Variants in TNRC6A observed in about 807,000 individuals in gnomAD.
TNRC6A encodes the protein trinucleotide repeat-containing gene 6A protein.
In TNRC6A, 44 loss-of-function variants were observed where a neutral mutation model predicts 221.2. That is an observed-to-expected ratio of 0.20 (90% CI 0.16 to 0.26). The LOEUF (loss-of-function observed/expected upper bound fraction) is 0.26, where lower values mean the gene tolerates loss of function less well. Ranked by LOEUF, TNRC6A falls within the 10% of genes least tolerant of loss-of-function variation. The pLI, the probability that TNRC6A is intolerant of heterozygous loss-of-function variation, is 1.00. For synonymous variants in TNRC6A, 847 were observed against 838.5 expected (o/e 1.01, Z -0.18); for missense variants, 2,199 against 2,404.4 (o/e 0.91, Z 1.79).
intron 1 of TNRC6A, among the ~76,000 whole-genome samples, chr16:24,617,938 T>G (rs191360175): frequency 1.6e-3 from 241 of 152,300 alleles, no homozygotes; most frequent in African/African-American, 5.5e-3. Context: ...TCTCACTCTA[T>G]CGCCCAGGCT....
At chr16:24,751,494 T>A in intron 3 of TNRC6A, among the ~76,000 whole-genome samples, 1 of 152,142 alleles carries the variant, frequency 6.6e-6, no homozygotes, top group East Asian at 1.9e-4. Flanking sequence ...AATCTGTAAT[T>A]ATTAAAAATT....
intron 2 of TNRC6A, among the ~76,000 whole-genome samples, chr16:24,674,694 C>CCA (rs3219528): frequency 0.057 from 8,274 of 146,198 alleles, 274 homozygotes; most frequent in Non-Finnish European, 0.081. Flanking sequence ...ACTGCCCCCA[C>CCA]CACACACACA....
At chr16:24,673,975 A>G (rs1281955647) in intron 2 of TNRC6A, among the ~76,000 whole-genome samples, 2 of 152,340 alleles carry the variant, frequency 1.3e-5, no homozygotes, top group Non-Finnish European at 2.9e-5. Flanking sequence ...TAACATTCTC[A>G]GAAGAGCTTG....
At position 24,805,495 on chromosome 16, in the gene TNRC6A, A is replaced by G. The variant is rs1295279138; in HGVS notation, c.4123-110A>G. 14 of 1,440,796 alleles carry G rather than the reference A, an allele frequency of 9.7e-6. No homozygotes were observed. The African/African-American group carries it at 1.4e-4, about 15-fold the overall frequency. The allele number at this position is 1,440,796 out of a possible 1,614,324, so 89.3% of individuals were successfully genotyped here. A position where few individuals can be genotyped will look rare whatever the true frequency, so the allele number is the denominator to read the frequency against. Reference sequence around the variant, plus strand: ...ACAGAGACAAAGACTATAACCCCCAATGAATAGTCCACAAATTTAACTGCT... The same window carrying G: ...ACAGAGACAAAGACTATAACCCCCAGTGAATAGTCCACAAATTTAACTGCT... On this transcript the variant is annotated intron_variant, in intron 14 of 24. Transcript: ENST00000395799.
intron 2 of TNRC6A, among the ~76,000 whole-genome samples, chr16:24,731,698 T>G (rs950741060): frequency 3.3e-5 from 5 of 152,242 alleles, no homozygotes; most frequent in African/African-American, 1.2e-4. Flanking sequence ...TATATCAGTA[T>G]AATTCCTATG....
At chr16:24,738,500 A>T (rs1219140578) in intron 2 of TNRC6A, among the ~76,000 whole-genome samples, 1 of 152,190 alleles carries the variant, frequency 6.6e-6, no homozygotes, top group Non-Finnish European at 1.5e-5. Flanking sequence ...TTTCTATTAT[A>T]ACTCTATGGA....
intron 8 of TNRC6A, chr16:24,795,674 C>G (rs1018284373): frequency 4.7e-5 from 19 of 407,410 alleles, no homozygotes; most frequent in African/African-American, 3.9e-4. Flanking sequence ...TGCCTATTGC[C>G]TTGCCATATA....
At chr16:24,771,516 CATGTTATGTT>C (rs60883844) in intron 4 of TNRC6A, among the ~76,000 whole-genome samples, 29 of 88,112 alleles carry the variant, frequency 3.3e-4, no homozygotes, top group East Asian at 7.5e-4. Context: ...GAGCCTGGTG[CATGTTATGTT>C]ATGTTATGTT....
intron 2 of TNRC6A, among the ~76,000 whole-genome samples, chr16:24,714,433 C>T (rs188917524): frequency 4.8e-4 from 72 of 151,192 alleles, no homozygotes; most frequent in Admixed American, 7.9e-4. Context: ...CTCAGCCTCC[C>T]GAGTAGCTGG....
intron 11 of TNRC6A, 35 bp downstream of exon 11, chr16:24,798,001 T>C (rs773656718): frequency 1.3e-6 from 2 of 1,568,226 alleles, no homozygotes; most frequent in Non-Finnish European, 1.8e-6. Context: ...TATTCCTCAT[T>C]GAGGGACACG....
At chr16:24,641,321 G>A (rs1355968950) in intron 2 of TNRC6A, among the ~76,000 whole-genome samples, 1 of 152,150 alleles carries the variant, frequency 6.6e-6, no homozygotes, top group Non-Finnish European at 1.5e-5. Context: ...TGCTCTTTCT[G>A]ATATGATTCA....
rs771534083 is a variant in TNRC6A at position 24,750,830 on chromosome 16, CTATT to C, written c.141+21_141+24del. 27 of 1,491,882 alleles carry C rather than the reference CTATT, an allele frequency of 1.8e-5. No homozygotes were observed. Among genetic ancestry groups the C allele is most frequent in the African/African-American group, 1.3e-4 (9 of 69,760 alleles). 92.4% of individuals were successfully genotyped at this position (1,491,882 alleles called of 1,614,324 possible). On this transcript the variant is annotated intron_variant, in intron 3 of 24. Coordinates refer to ENST00000395799, the MANE Select transcript of TNRC6A (RefSeq NM_014494.4). Reference sequence around the variant, plus strand: ...CAAAAGAAGGTAGTATGTGTGTAAACTATTTATATTAAGCAGTTTAAACATAGAA... The same window carrying C: ...CAAAAGAAGGTAGTATGTGTGTAAACTATATTAAGCAGTTTAAACATAGAA...
At chr16:24,796,626 T>C (rs2058224636) in intron 9 of TNRC6A, among the ~76,000 whole-genome samples, 1 of 152,156 alleles carries the variant, frequency 6.6e-6, no homozygotes, top group African/African-American at 2.4e-5. Flanking sequence ...CAAAGCCAAC[T>C]TCAGAATCTG....
chr16:24,793,562 C>T lies in TNRC6A; in HGVS notation c.3265C>T (p.Pro1089Ser). 2 of 1,574,718 alleles carry T rather than the reference C, an allele frequency of 1.3e-6. No homozygotes were observed. Among genetic ancestry groups the T allele is most frequent in the Non-Finnish European group, 1.7e-6 (2 of 1,159,782 alleles). Residue 1089 changes from proline (P) to serine (S), a missense_variant, in exon 7 of 25, where the codon CCC (proline) becomes TCC (serine). Physicochemically the swap from Pro to Ser is moderately conservative, Grantham distance 74 (BLOSUM62 -1). Coordinates refer to ENST00000395799, the MANE Select transcript of TNRC6A (RefSeq NM_014494.4). ...ATGGGGTAAGCCCATAGACAGTGGT[C>T]CCAGCTGGGGGGAACCCATTGCTGC... ...SAWGKPIDSG[P>S]SWGEPIAAAS... is the part of the protein sequence containing the mutation.
rs549235832 is a variant in TNRC6A at position 24,714,343 on chromosome 16, C to T, written n.403-36383C>T. ...TTTTTTTTTGAGATGGAGTCTCACT[C>T]TGTCGCCCAGGCTGGAGTGCAGTGG... is the stretch of plus-strand genomic sequence containing the variant. On this transcript the variant is annotated intron_variant and non_coding_transcript_variant, in intron 2 of 2. Transcript: ENST00000566108. Among the ~76,000 whole-genome samples, 6 of 118,514 alleles carry T rather than the reference C, an allele frequency of 5.1e-5. No individual in the cohort carries two copies. The East Asian group carries it at 1.7e-3, about 34-fold the overall frequency. 77.7% of individuals were successfully genotyped at this position (118,514 alleles called of 152,430 possible). A position where few individuals can be genotyped will look rare whatever the true frequency, so the allele number is the denominator to read the frequency against.
In TNRC6A at chr16:24,637,624, G is replaced by T. The variant is rs546509764; in HGVS notation, n.277-3260G>T. Among the ~76,000 whole-genome samples the T allele has an allele frequency of 1.1e-3, 160 of 152,296 alleles. 2 individuals carry two copies. The South Asian group carries it at 0.015, about 15-fold the overall frequency. On this transcript the variant is annotated intron_variant and non_coding_transcript_variant, in intron 1 of 2. Coordinates refer to the TNRC6A transcript ENST00000566108. Reference sequence around the variant, plus strand: ...TACTGTGGGAAGGAAGGTCCCATGTGGGGAGGTGCAGAGCTTTCTTAAAAG... The same window carrying T: ...TACTGTGGGAAGGAAGGTCCCATGTTGGGAGGTGCAGAGCTTTCTTAAAAG...
At chr16:24,649,579 G>A (rs1902515677) in intron 2 of TNRC6A, among the ~76,000 whole-genome samples, 1 of 152,134 alleles carries the variant, frequency 6.6e-6, no homozygotes, top group Non-Finnish European at 1.5e-5. Context: ...AAAGTGCTGG[G>A]ATTACAGGCA....
At chr16:24,778,264 T>C in intron 5 of TNRC6A, 1 of 984,646 alleles carries the variant, frequency 1.0e-6, no homozygotes, top group Non-Finnish European at 1.2e-6. Flanking sequence ...GCCAGGTAGT[T>C]ACTCACTTTC....
intron 17 of TNRC6A, among the ~76,000 whole-genome samples, chr16:24,808,444 C>T (rs1240345703): frequency 6.6e-6 from 1 of 152,228 alleles, no homozygotes; most frequent in Non-Finnish European, 1.5e-5. Flanking sequence ...AACCTGGGGT[C>T]TGTGGCTGCT....
Sources: gnomAD v4.1 joint callset for allele counts (sites outside exome capture counted in the v4.1 genomes callset) on GRCh38, gnomAD v4.1.1 for gene constraint, MANE v1.5 for transcripts, NCBI Gene and HGNC (gene_info 2026-07-23, HGNC 2026-07-21) for gene names.